Variants in ATP13A5 observed in about 807,000 individuals in gnomAD.
ATP13A5 encodes the protein ATPase 13A5.
A neutral mutation model predicts 150.2 loss-of-function variants in ATP13A5; 149 were observed. The ratio of observed to expected loss-of-function variants is 0.99; its 90% CI spans 0.87 to 1.14. The LOEUF (loss-of-function observed/expected upper bound fraction) is 1.14. Among genes scored for constraint, ATP13A5 ranks in the 50% most tolerant of loss-of-function variants. The pLI is 0.00. For missense variants in ATP13A5, 1,383 were observed against 1,449.3 expected, an observed-to-expected ratio of 0.95 and a Z score of 0.74; for synonymous variants, 497 against 522.2, an observed-to-expected ratio of 0.95 and a Z score of 0.66.
chr3:193,286,010 A>G (rs1200179622), intron 26 of ATP13A5, among the ~76,000 whole-genome samples: 1 of 152,048 alleles, frequency 6.6e-6, no homozygotes, highest in Non-Finnish European at 1.5e-5. Context: ...TTTTGGTTTT[A>G]GTTAGATTTA....
chr3:193,290,205 T>G, intron 25 of ATP13A5, 146 bp from the exon 26 acceptor site: 1 of 724,304 alleles, frequency 1.4e-6, no homozygotes, highest in South Asian at 2.3e-5. Context: ...GTAAGCACAT[T>G]GCCTGGTGGC....
chr3:193,300,990 T>C (rs1718376078), intron 24 of ATP13A5, among the ~76,000 whole-genome samples: 1 of 152,172 alleles, frequency 6.6e-6, no homozygotes, highest in African/African-American at 2.4e-5. Flanking sequence ...TCTCAGGTTA[T>C]CAAGAGAAAA....
chr3:193,310,621 C>A lies in ATP13A5; in HGVS notation c.2525+17G>T. The A allele has an allele frequency of 6.3e-7, 1 of 1,589,466 alleles. No individual in the cohort carries two copies. Among genetic ancestry groups the A allele is most frequent in the Non-Finnish European group, 8.6e-7 (1 of 1,168,910 alleles). ...AGAGTTAATGAGCACACTCTTCTTT[C>A]ATGCCATGACACCTACTTTAATTTC... On this transcript the variant is annotated intron_variant, in intron 21 of 29. Transcript: ENST00000342358.
chr3:193,275,650 C>T (rs1008731463), intron 29 of ATP13A5, among the ~76,000 whole-genome samples: 2 of 152,210 alleles, frequency 1.3e-5, no homozygotes, highest in African/African-American at 4.8e-5. Flanking sequence ...GCCTTGCTAC[C>T]TGCCACCTGC....
At chr3:193,283,851 C>T (rs1717603849) in intron 27 of ATP13A5, among the ~76,000 whole-genome samples, 1 of 150,382 alleles carries the variant, frequency 6.6e-6, no homozygotes, top group Non-Finnish European at 1.5e-5. Flanking sequence ...CCATCTTTAT[C>T]ATGCAATATC....
At chr3:193,290,178 A>T in intron 25 of ATP13A5, 119 bp from the exon 26 acceptor site, 1 of 1,018,270 alleles carries the variant, frequency 9.8e-7, no homozygotes, top group East Asian at 2.8e-5. Context: ...AAACACGAAC[A>T]GAAGATTTAC....
chr3:193,331,238 G>A lies in ATP13A5; in HGVS notation c.1346C>T (p.Ala449Val), dbSNP rs771953557. The change falls in exon 12 of 30, where the codon GCC (alanine) becomes GTC (valine). Residue 449 changes from alanine to valine, a missense_variant. This residue lies in a region of ATP13A5 where 787 missense variants were observed against 771.9 expected (regional missense o/e 1.02). Coordinates refer to ENST00000342358, the MANE Select transcript of ATP13A5 (RefSeq NM_198505.4). ...AGCATACACGTTGCCTATGGTCAGG[G>A]CAGCTGGCAGCACTGGAGGGACAGT... ...TVTVPPVLPA[A>V]LTIGNVYAQK... 5 of 1,613,918 alleles carry A rather than the reference G, an allele frequency of 3.1e-6. No individual in the cohort carries two copies. In the African/African-American group the frequency reaches 4.0e-5, roughly 13 times the overall value.
At chr3:193,302,085 C>A (rs556005379) in intron 23 of ATP13A5, among the ~76,000 whole-genome samples, 32 of 152,308 alleles carry the variant, frequency 2.1e-4, no homozygotes, top group Middle Eastern at 3.4e-3. Flanking sequence ...AGCTCTCCTT[C>A]AGCCTCCTCT....
At chr3:193,292,758 TG>T (rs757328093) in intron 25 of ATP13A5, among the ~76,000 whole-genome samples, 40 of 152,016 alleles carry the variant, frequency 2.6e-4, no homozygotes, top group Non-Finnish European at 4.6e-4. Flanking sequence ...AACCCATGAA[TG>T]GGGAGAATAA....
intron 23 of ATP13A5, among the ~76,000 whole-genome samples, chr3:193,303,783 ATG>A (rs201903248): frequency 0.018 from 2,711 of 151,536 alleles, 69 homozygotes; most frequent in African/African-American, 0.061. Flanking sequence ...CTTCATTTGT[ATG>A]TGTGTGTGTA....
chr3:193,367,725 A>G (rs1188566860), intron 1 of ATP13A5, among the ~76,000 whole-genome samples: 1 of 152,204 alleles, frequency 6.6e-6, no homozygotes, highest in African/African-American at 2.4e-5. Flanking sequence ...AAGGAAACTC[A>G]GAAGGCCATC....
intron 1 of ATP13A5, among the ~76,000 whole-genome samples, chr3:193,374,327 T>A (rs79872124): frequency 0.023 from 3,401 of 146,570 alleles, 105 homozygotes; most frequent in African/African-American, 0.073. Context: ...AAAGATTCCA[T>A]GGGTGCATAA....
At chr3:193,312,881 AGGGC>A (rs1938585398) in intron 19 of ATP13A5, 2 of 152,174 alleles carry the variant, frequency 1.3e-5, no homozygotes, top group African/African-American at 2.4e-5. Context: ...TCCTGAGACA[AGGGC>A]AGGAATTCCT....
rs1360238091 is a variant in ATP13A5, at chr3:193,334,816, A to G, written c.1114+113T>C. 5 of 916,364 alleles carry G rather than the reference A, an allele frequency of 5.5e-6. No individual in the cohort carries two copies. The Admixed American group carries it at 7.9e-5, about 14-fold the overall frequency. 56.8% of individuals were successfully genotyped at this position (916,364 alleles called of 1,614,324 possible). ...AATAAGTGTCTGTTTGGAAAAAAGC[A>G]TGTTGTTACTACCAGAATGTGGCAG... On this transcript the variant is annotated intron_variant, in intron 10 of 29. Coordinates refer to ENST00000342358, the MANE Select transcript of ATP13A5 (RefSeq NM_198505.4).
At chr3:193,279,483 A>G (rs758491234) in intron 27 of ATP13A5, 29 bp from the exon 28 acceptor site, 2 of 1,572,176 alleles carry the variant, frequency 1.3e-6, no homozygotes, top group Non-Finnish European at 1.7e-6. Context: ...TTATTTTTAG[A>G]TGTTAAAAGA....
At chr3:193,337,641 G>A (rs549563311) in intron 9 of ATP13A5, among the ~76,000 whole-genome samples, 1 of 152,172 alleles carries the variant, frequency 6.6e-6, no homozygotes, top group South Asian at 2.1e-4. Context: ...TAGCCTTGTA[G>A]TATAGTTTGA....
chr3:193,275,284 G>A lies in ATP13A5; in HGVS notation c.3415C>T (p.His1139Tyr), dbSNP rs1717140458. ...FFVEDSILQN[H>Y]ELWLLIKREF... ...CTTTTGATCAACAGCCAGAGTTCAT[G>A]ATTTTGAAGGATGGAATCCTGAAAA... Residue 1139 changes from histidine to tyrosine, a missense_variant, in exon 30 of 30, where the codon CAT becomes TAT. Transcript: ENST00000342358. The A allele has an allele frequency of 6.2e-7, 1 of 1,613,310 alleles. No homozygotes were observed. The highest frequency in any genetic ancestry group is 1.3e-5 in the African/African-American group (1 of 74,870).
At chr3:193,360,770 G>T (rs1048554101) in intron 5 of ATP13A5, among the ~76,000 whole-genome samples, 1 of 152,014 alleles carries the variant, frequency 6.6e-6, no homozygotes, top group Non-Finnish European at 1.5e-5. Context: ...TCCGCCTCCC[G>T]GGTCCAAGCA....
intron 1 of ATP13A5, among the ~76,000 whole-genome samples, chr3:193,375,692 C>G (rs922838325): frequency 2.0e-5 from 3 of 152,144 alleles, no homozygotes; most frequent in African/African-American, 7.2e-5. Flanking sequence ...GTGTCAAGCA[C>G]CTAGTACCGC....
Sources: gnomAD v4.1 joint callset for allele counts (sites outside exome capture counted in the v4.1 genomes callset) on GRCh38, gnomAD v4.1.1 for gene constraint, gnomAD v4.1.1 regional missense constraint, MANE v1.5 for transcripts, NCBI Gene and HGNC (gene_info 2026-07-23, HGNC 2026-07-21) for gene names.